The following TSEN2 variants were observed in gnomAD, a reference collection of about 807,000 sequenced individuals.
TSEN2 encodes tRNA-splicing endonuclease subunit Sen2.
In TSEN2, 54 loss-of-function variants were observed where a neutral mutation model predicts 59.2. The ratio of observed to expected loss-of-function variants is 0.91; its 90% CI spans 0.73 to 1.14. The LOEUF (loss-of-function observed/expected upper bound fraction) is 1.14, where lower values mean the gene tolerates loss of function less well. Among genes scored for constraint, TSEN2 ranks in the 50% most tolerant of loss-of-function variants. The probability of loss-of-function intolerance (pLI) is 0.00; values close to 1 mark genes in which losing one functional copy is unlikely to be tolerated. For missense variants in TSEN2, 636 were observed against 576.2 expected (o/e 1.10, Z -1.06); for synonymous variants, 195 against 198.2 (o/e 0.98, Z 0.14).
rs555569555 is a variant in TSEN2 at position 12,499,647 on chromosome 3, G to A, written c.308+3093G>A. ...TCAGTAGCTTGCCCAAGATTACGTG[G>A]GCTCAGCGCCAGAGCCTGGGAGACA... On this transcript the variant is annotated intron_variant, in intron 4 of 11. Coordinates refer to ENST00000284995, the MANE Select transcript of TSEN2 (RefSeq NM_025265.4). Among the ~76,000 whole-genome samples, 13 of 152,278 alleles carry A rather than the reference G, an allele frequency of 8.5e-5. No individual in the cohort carries two copies. The South Asian group carries it at 2.7e-3, about 32-fold the overall frequency.
chr3:12,486,885 G>C (rs2052671111), intron 1 of TSEN2, among the ~76,000 whole-genome samples: 1 of 152,038 alleles, frequency 6.6e-6, no homozygotes, highest in Non-Finnish European at 1.5e-5. Flanking sequence ...CTTTTCTATG[G>C]CTAAGTATTT....
chr3:12,496,499 T>C lies in TSEN2; in HGVS notation c.272-19T>C. On this transcript the variant is annotated intron_variant, in intron 3 of 11. Transcript: ENST00000284995. The stretch of plus-strand genomic sequence containing the variant: ...TTATGGGAAATTTGCCTGAAACTAA[T>C]AGAACTTCTTTGTTCCAGATATGAA... 1.2e-6 allele frequency: 2 copies of C among 1,613,934 alleles called. No homozygotes were observed. The highest frequency in any genetic ancestry group is 1.7e-6 in the Non-Finnish European group (2 of 1,179,846).
chr3:12,531,721 A>C (rs762335968), intron 11 of TSEN2, 62 bp downstream of exon 11: 62 of 1,140,270 alleles, frequency 5.4e-5, no homozygotes, highest in Non-Finnish European at 7.4e-5. Flanking sequence ...GTGTATCTGG[A>C]ACATGTGGTC....
chr3:12,514,856 G>GT (rs1421318336), intron 6 of TSEN2: 4 of 152,120 alleles, frequency 2.6e-5, no homozygotes, highest in African/African-American at 9.7e-5. Context: ...TTTAATGTAA[G>GT]TTTTTTATGA....
At chr3:12,527,520 C>G (rs921695825) in intron 8 of TSEN2, among the ~76,000 whole-genome samples, 2 of 142,944 alleles carry the variant, frequency 1.4e-5, no homozygotes, top group Non-Finnish European at 3.0e-5. Flanking sequence ...GTGGCGGGAT[C>G]TCGGCTCACT....
At chr3:12,501,132 C>T (rs1242538609) in intron 4 of TSEN2, among the ~76,000 whole-genome samples, 6 of 152,168 alleles carry the variant, frequency 3.9e-5, no homozygotes, top group South Asian at 2.1e-4. Flanking sequence ...TTCTTTTAAA[C>T]GTATGCATAG....
chr3:12,490,582 T>A (rs886395654), intron 2 of TSEN2, among the ~76,000 whole-genome samples: 22 of 152,244 alleles, frequency 1.4e-4, no homozygotes, highest in Admixed American at 1.4e-3. Context: ...GCTGTGGGCA[T>A]TTTTAAAAAA....
intron 3 of TSEN2, among the ~76,000 whole-genome samples, chr3:12,495,164 G>C (rs912747718): frequency 7.3e-6 from 1 of 136,528 alleles, no homozygotes; most frequent in African/African-American, 2.8e-5. Context: ...ATTTTTACAA[G>C]AGATTTTTTT....
At chr3:12,480,527 T>TG (rs1553565212), upstream of TSEN2, among the ~76,000 whole-genome samples, 6 of 135,784 alleles carry the variant, frequency 4.4e-5, no homozygotes, top group East Asian at 3.9e-4. Flanking sequence ...TTTGTTTCTT[T>TG]GTTTTTTTTT....
intron 1 of TSEN2, among the ~76,000 whole-genome samples, chr3:12,486,466 G>T (rs1357394971): frequency 6.6e-6 from 1 of 152,154 alleles, no homozygotes; most frequent in Non-Finnish European, 1.5e-5. Flanking sequence ...ATCTTTTCTA[G>T]AAGCTTCACG....
intron 7 of TSEN2, 103 bp from the exon 8 acceptor site, chr3:12,518,956 C>T (rs761666540): frequency 4.8e-5 from 56 of 1,177,164 alleles, no homozygotes; most frequent in Non-Finnish European, 6.6e-5. Flanking sequence ...GCATTTTCTT[C>T]ACTGCTTCAG....
intron 4 of TSEN2, among the ~76,000 whole-genome samples, chr3:12,502,844 C>G (rs1366639952): frequency 6.6e-6 from 1 of 151,920 alleles, no homozygotes; most frequent in Non-Finnish European, 1.5e-5. Flanking sequence ...GAGGCCAAGG[C>G]GGGCGGATCG....
chr3:12,490,040 C>A, intron 2 of TSEN2, 51 bp downstream of exon 2: 1 of 1,542,112 alleles, frequency 6.5e-7, no homozygotes, highest in Non-Finnish European at 9.0e-7. Flanking sequence ...CCTGAGCAAG[C>A]AGTCCTTTCC....
intron 1 of TSEN2, among the ~76,000 whole-genome samples, chr3:12,485,643 G>A (rs1046155995): frequency 6.6e-6 from 1 of 152,192 alleles, no homozygotes; most frequent in Non-Finnish European, 1.5e-5. Context: ...TGGGCATGAG[G>A]AGTTAAGGGT....
chr3:12,489,806 A>G lies in TSEN2; in HGVS notation c.6A>G (p.Ala2=). The G allele has an allele frequency of 6.2e-7, 1 of 1,613,388 alleles. No individual in the cohort carries two copies. The highest frequency in any genetic ancestry group is 8.5e-7 in the Non-Finnish European group (1 of 1,179,986). ...AAGAATACCTCCTCTGAAAAATGGC[A>G]GAAGCAGTTTTCCATGCCCCAAAGA... M[A]EAVFHAPKRK... The change falls in exon 2 of 12, where the codon GCA becomes GCG. Residue 2 remains alanine (A), a synonymous_variant. Coordinates refer to ENST00000284995, the MANE Select transcript of TSEN2 (RefSeq NM_025265.4).
intron 1 of TSEN2, among the ~76,000 whole-genome samples, chr3:12,488,735 C>G (rs1354780623): frequency 2.0e-5 from 3 of 152,188 alleles, no homozygotes; most frequent in Admixed American, 1.3e-4. Context: ...GTGGGTAATT[C>G]CGTTACTGCT....
At chr3:12,505,081 A>G in intron 5 of TSEN2, 73 bp from the exon 6 acceptor site, 10 of 899,092 alleles carry the variant, frequency 1.1e-5, no homozygotes, top group Non-Finnish European at 1.1e-5. Context: ...AAAAATGTTC[A>G]TTTTAAAATA....
At chr3:12,490,579 G>A (rs1190902213) in intron 2 of TSEN2, among the ~76,000 whole-genome samples, 1 of 152,148 alleles carries the variant, frequency 6.6e-6, no homozygotes, top group Non-Finnish European at 1.5e-5. Flanking sequence ...ATTGCTGTGG[G>A]CATTTTTAAA....
chr3:12,492,750 G>A (rs2053347939), intron 3 of TSEN2, among the ~76,000 whole-genome samples: 1 of 152,192 alleles, frequency 6.6e-6, no homozygotes, highest in South Asian at 2.1e-4. Context: ...AAACTGCACT[G>A]AGATAACATG....
Sources: gnomAD v4.1 joint callset for allele counts (sites outside exome capture counted in the v4.1 genomes callset) on GRCh38, gnomAD v4.1.1 for gene constraint, MANE v1.5 for transcripts, NCBI Gene and HGNC (gene_info 2026-07-23, HGNC 2026-07-21) for gene names.